SWT1: variants seen among roughly 807,000 people sequenced by gnomAD.
SWT1 encodes transcriptional protein SWT1.
In SWT1, 33 loss-of-function variants were observed where a neutral mutation model predicts 107.3. That is an observed-to-expected ratio of 0.31 (90% confidence interval 0.23 to 0.41). SWT1 has a LOEUF of 0.41. SWT1 is among the 10% of genes least tolerant of loss of function. SWT1 has a pLI of 1.00. For missense variants in SWT1, 898 were observed against 1,028.9 expected (o/e 0.87, Z 1.74); for synonymous variants, 345 against 348.3 (o/e 0.99, Z 0.11).
chr1:185,274,277 T>C (rs1460534579), intron 17 of SWT1, among the ~76,000 whole-genome samples: 1 of 148,276 alleles, frequency 6.7e-6, no homozygotes, highest in Non-Finnish European at 1.5e-5. Context: ...ATATGTAATA[T>C]ATATTATATA....
At chr1:185,226,302 C>G (rs1217731086) in intron 15 of SWT1, among the ~76,000 whole-genome samples, 2 of 152,042 alleles carry the variant, frequency 1.3e-5, no homozygotes, top group African/African-American at 4.8e-5. Flanking sequence ...TTATTTAGGC[C>G]TACTTTACTG....
At position 185,168,069 on chromosome 1, in the gene SWT1, G is replaced by A. The variant is rs140138479; in HGVS notation, c.166-271G>A. 2.9e-3 allele frequency among the ~76,000 whole-genome samples: 438 copies of A among 152,212 alleles called. 3 individuals carry two copies. Among genetic ancestry groups the A allele is most frequent in the African/African-American group, 9.8e-3 (408 of 41,536 alleles). On this transcript the variant is annotated intron_variant, in intron 3 of 18. Coordinates refer to ENST00000367500, the MANE Select transcript of SWT1 (RefSeq NM_017673.7). ...GCTTGGCCCAGTTTCCTCAGAGTAC[G>A]TAGAGAGATAGGATGGTAGCGTAGA...
At chr1:185,159,179 A>G (rs1374409580) in intron 1 of SWT1, among the ~76,000 whole-genome samples, 1 of 152,210 alleles carries the variant, frequency 6.6e-6, no homozygotes, top group Non-Finnish European at 1.5e-5. Context: ...TATTGATTAC[A>G]CAGGTCAGCC....
chr1:185,235,855 T>C (rs1304665948), intron 16 of SWT1, among the ~76,000 whole-genome samples: 1 of 152,158 alleles, frequency 6.6e-6, no homozygotes, highest in African/African-American at 2.4e-5. Flanking sequence ...TTCAGCAAAG[T>C]CTCAGGATAC....
rs147294243 is a variant in SWT1 at position 185,179,367 on chromosome 1, A to G, written c.967-1024A>G. 3.2e-3 allele frequency among the ~76,000 whole-genome samples: 491 copies of G among 152,356 alleles called. 4 individuals are homozygous for G. The highest frequency in any genetic ancestry group is 0.011 in the African/African-American group (475 of 41,580). On this transcript the variant is annotated intron_variant, in intron 5 of 18. Coordinates refer to ENST00000367500, the MANE Select transcript of SWT1 (RefSeq NM_017673.7). Reference sequence around the variant, plus strand: ...TACTTTGGAGAATTCTTAGAAGGTTATAATTCATTCGTTCTTTTGCTGAGC... The same window carrying G: ...TACTTTGGAGAATTCTTAGAAGGTTGTAATTCATTCGTTCTTTTGCTGAGC...
intron 9 of SWT1, among the ~76,000 whole-genome samples, chr1:185,185,878 T>G (rs147170376): frequency 6.6e-6 from 1 of 152,172 alleles, no homozygotes; most frequent in Non-Finnish European, 1.5e-5. Flanking sequence ...ATAATGCTTA[T>G]GAATTTTGAG....
chr1:185,189,565 T>C (rs1318515661), intron 9 of SWT1, among the ~76,000 whole-genome samples: 1 of 152,162 alleles, frequency 6.6e-6, no homozygotes, highest in Admixed American at 6.5e-5. Flanking sequence ...AATCTGTAAG[T>C]GACTGAATTG....
intron 16 of SWT1, among the ~76,000 whole-genome samples, chr1:185,248,243 A>G (rs1661748073): frequency 6.6e-6 from 1 of 152,174 alleles, no homozygotes; most frequent in South Asian, 2.1e-4. Context: ...TTACATGTTT[A>G]ATCTTAGGGA....
intron 15 of SWT1, among the ~76,000 whole-genome samples, chr1:185,226,185 C>T (rs977175431): frequency 1.3e-5 from 2 of 152,072 alleles, no homozygotes; most frequent in Non-Finnish European, 2.9e-5. Flanking sequence ...AATGTACATG[C>T]ATTTGTGTTG....
At chr1:185,276,905 T>G (rs552248306) in intron 18 of SWT1, among the ~76,000 whole-genome samples, 7 of 152,334 alleles carry the variant, frequency 4.6e-5, no homozygotes, top group African/African-American at 9.6e-5. Context: ...CTTTGTTACA[T>G]TTTTTAAAAT....
intron 15 of SWT1, among the ~76,000 whole-genome samples, chr1:185,224,779 A>G (rs2102540922): frequency 6.6e-6 from 1 of 152,278 alleles, no homozygotes; most frequent in Non-Finnish European, 1.5e-5. Context: ...ATTAGCATAT[A>G]GAAATGCTAT....
chr1:185,265,071 A>T (rs1663278778), intron 16 of SWT1, among the ~76,000 whole-genome samples: 1 of 152,188 alleles, frequency 6.6e-6, no homozygotes, highest in Admixed American at 6.5e-5. Context: ...GATTTCTAGT[A>T]TTCTGAATAG....
intron 10 of SWT1, 116 bp from the exon 11 acceptor site, chr1:185,202,538 T>G: frequency 1.3e-6 from 1 of 780,988 alleles, no homozygotes; most frequent in Admixed American, 3.3e-5. Flanking sequence ...TATTCTTTCT[T>G]AAGGTATAGG....
At chr1:185,200,768 C>G (rs192780060) in intron 10 of SWT1, among the ~76,000 whole-genome samples, 300 of 152,352 alleles carry the variant, frequency 2.0e-3, no homozygotes, top group Middle Eastern at 3.4e-3. Flanking sequence ...CTTAGCAGAG[C>G]TCGAGCGCTG....
At chr1:185,239,704 A>G (rs1661131205) in intron 16 of SWT1, among the ~76,000 whole-genome samples, 1 of 151,112 alleles carries the variant, frequency 6.6e-6, no homozygotes. Context: ...AATGTTGATA[A>G]TTTTTTTTTC....
In SWT1 at chr1:185,184,813, A is replaced by G. The variant is rs1427152876; in HGVS notation, c.1311A>G (p.Lys437=). The part of the protein sequence containing the change: ...MQELDRMKEG[K]LLKRAQHKAI... Reference sequence around the variant, plus strand: ...AGCTAGATCGTATGAAGGAAGGAAAACTACTAAAACGTGCCCAGCACAAAG... The same window carrying G: ...AGCTAGATCGTATGAAGGAAGGAAAGCTACTAAAACGTGCCCAGCACAAAG... The change falls in exon 9 of 19, where the codon AAA becomes AAG. Residue 437 remains lysine (K), a synonymous_variant. Transcript: ENST00000367500. 2 of 1,605,458 alleles carry G rather than the reference A, an allele frequency of 1.2e-6. No homozygotes were observed. The highest frequency in any genetic ancestry group is 1.7e-6 in the Non-Finnish European group (2 of 1,176,736).
At chr1:185,189,466 G>A (rs1235999534) in intron 9 of SWT1, among the ~76,000 whole-genome samples, 2 of 152,160 alleles carry the variant, frequency 1.3e-5, no homozygotes, top group Admixed American at 6.5e-5. Context: ...TTAAGGAAGA[G>A]CACACACAGG....
chr1:185,229,461 A>G (rs1202360046), intron 15 of SWT1, among the ~76,000 whole-genome samples: 1 of 151,958 alleles, frequency 6.6e-6, no homozygotes, highest in African/African-American at 2.4e-5. Flanking sequence ...AAGAACTTTT[A>G]GTGTCCTCAT....
chr1:185,262,446 G>A (rs908080975), intron 16 of SWT1: 2 of 152,168 alleles, frequency 1.3e-5, no homozygotes, highest in South Asian at 4.1e-4. Context: ...ACTACTCAGT[G>A]AATTCCACAT....
Sources: gnomAD v4.1 joint callset for allele counts (sites outside exome capture counted in the v4.1 genomes callset) on GRCh38, gnomAD v4.1.1 for gene constraint, MANE v1.5 for transcripts, NCBI Gene and HGNC (gene_info 2026-07-23, HGNC 2026-07-21) for gene names.